ZFAT: variants seen among roughly 807,000 people sequenced by gnomAD.
The protein encoded by ZFAT is zinc finger and AT-hook domain containing.
ZFAT carries 64 observed loss-of-function variants against 117.7 expected under a neutral mutation model. The observed-to-expected ratio is 0.54, with a 90% CI of 0.44 to 0.67. ZFAT has a LOEUF of 0.67. Ranked by LOEUF, ZFAT falls within the 30% of genes least tolerant of loss-of-function variation. The pLI, the probability that ZFAT is intolerant of heterozygous loss-of-function variation, is 0.00. For synonymous variants in ZFAT, 679 were observed against 615.0 expected (o/e 1.10, Z -1.54); for missense variants, 1,433 against 1,584.5 (o/e 0.90, Z 1.62).
At chr8:134,482,349 G>C (rs780815371) in intron 15 of ZFAT, among the ~76,000 whole-genome samples, 8 of 152,332 alleles carry the variant, frequency 5.3e-5, no homozygotes, top group Non-Finnish European at 8.8e-5. Context: ...CAGCAGATGA[G>C]GCCTGAAACG....
chr8:134,557,122 C>T (rs1453624255), intron 11 of ZFAT, among the ~76,000 whole-genome samples: 5 of 152,070 alleles, frequency 3.3e-5, no homozygotes, highest in Admixed American at 3.3e-4. Context: ...ATGCTTCTTA[C>T]ATTGTTCATA....
chr8:134,512,068 G>A (rs1402231106), intron 14 of ZFAT, among the ~76,000 whole-genome samples: 1 of 152,206 alleles, frequency 6.6e-6, no homozygotes. Context: ...CAGATTCCAG[G>A]ATGAGCTCCA....
intron 12 of ZFAT, among the ~76,000 whole-genome samples, chr8:134,529,655 C>T (rs987903919): frequency 1.3e-5 from 2 of 152,206 alleles, no homozygotes; most frequent in African/African-American, 4.8e-5. Context: ...TCACCCAGTG[C>T]CCTCAGGGTG....
the ZFAT span, among the ~76,000 whole-genome samples, chr8:134,789,334 C>A: frequency 6.6e-6 from 1 of 152,172 alleles, no homozygotes; most frequent in African/African-American, 2.4e-5. Flanking sequence ...ATATTTTAAA[C>A]CACAGAATAC....
chr8:134,666,613 A>G (rs533488113), intron 1 of ZFAT, among the ~76,000 whole-genome samples: 16 of 152,364 alleles, frequency 1.1e-4, no homozygotes, highest in African/African-American at 3.1e-4. Flanking sequence ...AATCAGAGAT[A>G]TAAGAGAAAA....
At chr8:134,580,820 G>C (rs2130835865) in intron 10 of ZFAT, among the ~76,000 whole-genome samples, 1 of 152,004 alleles carries the variant, frequency 6.6e-6, no homozygotes, top group African/African-American at 2.4e-5. Context: ...AAAATAAATT[G>C]CAAGAATATT....
intron 11 of ZFAT, among the ~76,000 whole-genome samples, chr8:134,558,450 G>C (rs961938955): frequency 2.0e-5 from 3 of 152,136 alleles, no homozygotes; most frequent in African/African-American, 7.2e-5. Flanking sequence ...AATTCCCAAA[G>C]GTTAACTAAT....
chr8:134,790,785 T>C, the ZFAT span, among the ~76,000 whole-genome samples: 1 of 152,086 alleles, frequency 6.6e-6, no homozygotes, highest in Non-Finnish European at 1.5e-5. Context: ...GAGGCCAAGG[T>C]GGGAGGATCA....
the ZFAT span, among the ~76,000 whole-genome samples, chr8:134,830,115 A>G: frequency 6.6e-6 from 1 of 152,226 alleles, no homozygotes; most frequent in South Asian, 2.1e-4. Context: ...CAAGGTCAAC[A>G]AGACCTACAG....
chr8:134,616,464 C>T (rs1034757697), intron 3 of ZFAT, among the ~76,000 whole-genome samples: 3 of 152,168 alleles, frequency 2.0e-5, no homozygotes, highest in Admixed American at 6.5e-5. Flanking sequence ...CTCGAGGACC[C>T]GACCTAGAAG....
At chr8:134,613,036 G>A (rs866901161) in intron 3 of ZFAT, among the ~76,000 whole-genome samples, 2 of 152,184 alleles carry the variant, frequency 1.3e-5, no homozygotes, top group African/African-American at 4.8e-5. Flanking sequence ...CATACTGGGT[G>A]ATACACACGC....
chr8:134,585,514 T>C (rs1013509690), intron 9 of ZFAT, among the ~76,000 whole-genome samples: 1 of 152,174 alleles, frequency 6.6e-6, no homozygotes, highest in African/African-American at 2.4e-5. Context: ...AAATTCCTAA[T>C]ATCTGTTCCT....
chr8:134,593,613 G>A (rs1413271203), intron 7 of ZFAT, among the ~76,000 whole-genome samples: 3 of 152,244 alleles, frequency 2.0e-5, no homozygotes, highest in Non-Finnish European at 4.4e-5. Flanking sequence ...GCTGCACGAA[G>A]CTGCAGCATG....
At chr8:134,768,825 C>A in the ZFAT span, among the ~76,000 whole-genome samples, 1 of 152,334 alleles carries the variant, frequency 6.6e-6, no homozygotes, top group South Asian at 2.1e-4. Flanking sequence ...AACCAATCAT[C>A]CCTTCCCAAC....
chr8:134,482,351 C>G lies in ZFAT; in HGVS notation c.3493-3630G>C, dbSNP rs563310059. Among the ~76,000 whole-genome samples, 3 of 152,148 alleles carry G rather than the reference C, an allele frequency of 2.0e-5. No homozygotes were observed. The South Asian group carries it at 6.2e-4, about 31-fold the overall frequency. ...TTTGGGGCAGAAGCAGCAGATGAGG[C>G]CTGAAACGAAGTTCGCAGGCGGATC... On this transcript the variant is annotated intron_variant, in intron 15 of 15. Coordinates refer to ENST00000377838, the MANE Select transcript of ZFAT (RefSeq NM_020863.4).
At chr8:134,521,173 T>G (rs1164204755) in intron 12 of ZFAT, among the ~76,000 whole-genome samples, 172 bp from the exon 13 acceptor site, 2 of 152,232 alleles carry the variant, frequency 1.3e-5, no homozygotes, top group African/African-American at 2.4e-5. Flanking sequence ...CAGTATATGT[T>G]TTTTCAAGGC....
At chr8:134,535,493 C>T (rs1821765456) in intron 11 of ZFAT, among the ~76,000 whole-genome samples, 1 of 130,732 alleles carries the variant, frequency 7.6e-6, no homozygotes, top group South Asian at 3.3e-4. Context: ...CCCCCTCCCC[C>T]TCCCCCTCCC....
the ZFAT span, among the ~76,000 whole-genome samples, chr8:134,773,205 C>T: frequency 6.6e-6 from 1 of 152,112 alleles, no homozygotes; most frequent in African/African-American, 2.4e-5. Context: ...AGCCAATGCT[C>T]ATTTACCACT....
In ZFAT at chr8:134,519,581, C is replaced by T. The variant is rs79851280; in HGVS notation, c.3234+1302G>A. On this transcript the variant is annotated intron_variant, in intron 13 of 15. Coordinates refer to ENST00000377838, the MANE Select transcript of ZFAT (RefSeq NM_020863.4). ...CTGCTTTTTGTTTGTATTAGCTTTTCATTCATTCTTTTGGATTTTCTGAAA... is the reference window on the plus strand; with the variant it reads ...CTGCTTTTTGTTTGTATTAGCTTTTTATTCATTCTTTTGGATTTTCTGAAA... Among the ~76,000 whole-genome samples the T allele has an allele frequency of 4.8e-3, 738 of 152,212 alleles. 34 individuals carry two copies. In the East Asian group the frequency reaches 0.11, roughly 23 times the overall value.
Sources: allele counts gnomAD v4.1 joint callset (sites outside exome capture counted in the v4.1 genomes callset), GRCh38; gene constraint gnomAD v4.1.1; transcripts MANE v1.5; gene names NCBI Gene and HGNC (gene_info 2026-07-23, HGNC 2026-07-21).